The following MAP2K2 variants were observed in gnomAD, a reference collection of about 807,000 sequenced individuals.
MAP2K2 encodes dual specificity mitogen-activated protein kinase kinase 2.
A neutral mutation model predicts 43.7 loss-of-function variants in MAP2K2; 24 were observed. The ratio of observed to expected loss-of-function variants is 0.55; its 90% CI spans 0.40 to 0.77. The LOEUF is 0.77. MAP2K2 is among the 30% of genes least tolerant of loss of function. MAP2K2 has a pLI of 0.00. For synonymous variants in MAP2K2, 244 were observed against 239.7 expected (o/e 1.02, Z -0.17); for missense variants, 470 against 566.8 (o/e 0.83, Z 1.73).
At chr19:4,105,353 C>T (rs2145062688) in intron 3 of MAP2K2, among the ~76,000 whole-genome samples, 1 of 151,882 alleles carries the variant, frequency 6.6e-6, no homozygotes, top group Middle Eastern at 3.4e-3. Flanking sequence ...ACTGCAAGCT[C>T]CGCCTCCCGG....
At chr19:4,095,932 G>A (rs1349543126) in intron 8 of MAP2K2, among the ~76,000 whole-genome samples, 2 of 152,190 alleles carry the variant, frequency 1.3e-5, no homozygotes, top group Admixed American at 6.5e-5. Flanking sequence ...CCACCACTGC[G>A]CCTGGCTAAT....
At chr19:4,102,233 T>TG in intron 4 of MAP2K2, 143 bp downstream of exon 4, 1 of 725,860 alleles carries the variant, frequency 1.4e-6, no homozygotes, top group Non-Finnish European at 2.4e-6. Flanking sequence ...CCACAGCAGG[T>TG]GGGCACAGCC....
chr19:4,097,064 C>T (rs1381033877), intron 8 of MAP2K2, among the ~76,000 whole-genome samples: 2 of 149,440 alleles, frequency 1.3e-5, no homozygotes, highest in African/African-American at 2.5e-5. Flanking sequence ...TGTGGTGGTG[C>T]GCACCTGTAA....
chr19:4,097,383 C>T, intron 7 of MAP2K2, 40 bp from the exon 8 acceptor site: 3 of 1,508,822 alleles, frequency 2.0e-6, no homozygotes, highest in Non-Finnish European at 2.8e-6. Flanking sequence ...GGGCCGATGG[C>T]CACCTCACTT....
chr19:4,102,753 G>T, intron 3 of MAP2K2: 2 of 1,296,234 alleles, frequency 1.5e-6, no homozygotes, highest in Non-Finnish European at 2.0e-6. Context: ...GCTCTGCTCC[G>T]GGCCAGCCCA....
chr19:4,095,412 T>G lies in MAP2K2; in HGVS notation c.1022A>C (p.Asp341Ala), dbSNP rs2040903643. 6 of 1,551,036 alleles carry G rather than the reference T, an allele frequency of 3.9e-6. No homozygotes were observed. The highest frequency in any genetic ancestry group is 5.2e-6 in the Non-Finnish European group (6 of 1,146,820). ...PKLPNGVFTPDFQEFVNKCLI... is the reference protein window; with the variant it reads ...PKLPNGVFTPAFQEFVNKCLI... Reference sequence around the variant, plus strand: ...CCATTTATTGACAAACTCCTGGAAGTCGGGGGTGAACACACCGTTGGGCAG... The same window carrying G: ...CCATTTATTGACAAACTCCTGGAAGGCGGGGGTGAACACACCGTTGGGCAG... The change falls in exon 9 of 11, where the codon GAC becomes GCC. Residue 341 changes from aspartate to alanine, a missense_variant. Transcript: ENST00000262948.
chr19:4,100,708 A>T, intron 6 of MAP2K2: 1 of 465,556 alleles, frequency 2.1e-6, no homozygotes, highest in East Asian at 3.7e-5. Context: ...TCCGAAAAGC[A>T]GGCTCCCAGG....
At chr19:4,109,187 C>T (rs1443566486) in intron 3 of MAP2K2, among the ~76,000 whole-genome samples, 1 of 152,188 alleles carries the variant, frequency 6.6e-6, no homozygotes, top group Admixed American at 6.5e-5. Context: ...CTCGGTGTGG[C>T]GGGGTCGGCA....
rs776864612 is a variant in MAP2K2 at position 4,102,459 on chromosome 19, G to A, written c.451-6C>T. On this transcript the variant is annotated splice_region_variant and splice_polypyrimidine_tract_variant and intron_variant, in intron 3 of 10. Coordinates refer to ENST00000262948, the MANE Select transcript of MAP2K2 (RefSeq NM_030662.4). ...TGGTCCAGGGAGCCGCCGTCCTAGA[G>A]GGCACACAAGGAGTGAGTGCAGGCT... The A allele has an allele frequency of 7.5e-6, 12 of 1,592,226 alleles. No homozygotes were observed. Among genetic ancestry groups the A allele is most frequent in the Non-Finnish European group, 9.4e-6 (11 of 1,169,450 alleles).
chr19:4,104,378 C>A (rs757792245), intron 3 of MAP2K2, among the ~76,000 whole-genome samples: 13 of 151,390 alleles, frequency 8.6e-5, no homozygotes, highest in Non-Finnish European at 1.8e-4. Context: ...CCATCCCGAG[C>A]CACACAGTGA....
intron 2 of MAP2K2, among the ~76,000 whole-genome samples, chr19:4,113,491 A>G (rs892516540): frequency 6.6e-6 from 1 of 151,934 alleles, no homozygotes; most frequent in African/African-American, 2.4e-5. Context: ...AGCCCGGGGG[A>G]TGGGTGTACT....
Position 4,097,357 on chromosome 19 carries a change from G to C in MAP2K2, c.920-14C>G, listed in dbSNP as rs752667258. ...CCATCCCGTGACCTGCACAGGGAGA[G>C]AGATGGAGGTGAGATGGGCCGATGG... On this transcript the variant is annotated splice_polypyrimidine_tract_variant and intron_variant, in intron 7 of 10. Coordinates refer to ENST00000262948, the MANE Select transcript of MAP2K2 (RefSeq NM_030662.4). 6.2e-7 allele frequency: 1 copy of C among 1,609,528 alleles called. No homozygotes were observed. The highest frequency in any genetic ancestry group is 8.5e-7 in the Non-Finnish European group (1 of 1,176,776).
intron 2 of MAP2K2, among the ~76,000 whole-genome samples, chr19:4,116,606 C>T (rs766627700): frequency 1.8e-4 from 28 of 152,278 alleles, no homozygotes; most frequent in Middle Eastern, 3.4e-3. Context: ...ACTGTGCAAA[C>T]ACTGGAAAGC....
chr19:4,093,743 G>C (rs532544198), intron 10 of MAP2K2, among the ~76,000 whole-genome samples: 1 of 152,136 alleles, frequency 6.6e-6, no homozygotes, highest in Non-Finnish European at 1.5e-5. Flanking sequence ...GAAGGCACCC[G>C]GTTGGGTGTC....
chr19:4,105,554 G>A (rs937448972), intron 3 of MAP2K2, among the ~76,000 whole-genome samples: 1 of 152,136 alleles, frequency 6.6e-6, no homozygotes, highest in African/African-American at 2.4e-5. Flanking sequence ...TTACAGGCTT[G>A]AGCCACCGCA....
At chr19:4,111,528 C>A (rs1432371729) in intron 2 of MAP2K2, among the ~76,000 whole-genome samples, 1 of 152,184 alleles carries the variant, frequency 6.6e-6, no homozygotes, top group Non-Finnish European at 1.5e-5. Flanking sequence ...GAGACGTTAG[C>A]CACACAGAGC....
At chr19:4,107,523 CAA>C (rs71166959) in intron 3 of MAP2K2, among the ~76,000 whole-genome samples, 10,548 of 59,072 alleles carry the variant, frequency 0.18, 240 homozygotes, top group East Asian at 0.33. Flanking sequence ...GACTCCGTCT[CAA>C]AAAAAAAAAA....
At chr19:4,117,359 C>T (rs2145079382) in intron 2 of MAP2K2, 60 bp downstream of exon 2, 1 of 1,533,148 alleles carries the variant, frequency 6.5e-7, no homozygotes, top group South Asian at 1.1e-5. Flanking sequence ...CAACCTGCCT[C>T]CTGTTTCCAG....
At chr19:4,094,830 A>T (rs141193198) in intron 9 of MAP2K2, 19 of 441,538 alleles carry the variant, frequency 4.3e-5, no homozygotes, top group Middle Eastern at 6.4e-4. Flanking sequence ...ACATCGCCGG[A>T]GCGCACGCCA....
Sources: gnomAD v4.1 joint callset for allele counts (sites outside exome capture counted in the v4.1 genomes callset) on GRCh38, gnomAD v4.1.1 for gene constraint, MANE v1.5 for transcripts, NCBI Gene and HGNC (gene_info 2026-07-23, HGNC 2026-07-21) for gene names.